The following TTC28 variants were observed in gnomAD, a reference collection of about 807,000 sequenced individuals.
TTC28 encodes the protein tetratricopeptide repeat domain 28.
In TTC28, 61 loss-of-function variants were observed where a neutral mutation model predicts 198.0. The ratio of observed to expected loss-of-function variants is 0.31; its 90% CI spans 0.25 to 0.38. The LOEUF is 0.38. Among genes scored for constraint, TTC28 ranks in the 10% least tolerant of loss-of-function variants. The probability of loss-of-function intolerance (pLI) is 1.00; values close to 1 mark genes in which losing one functional copy is unlikely to be tolerated. For missense variants in TTC28, 2,678 were observed against 3,164.0 expected (o/e 0.85, Z 3.69); for synonymous variants, 1,171 against 1,297.8 (o/e 0.90, Z 2.10).
At chr22:28,343,639 T>G (rs1020111563) in intron 2 of TTC28, among the ~76,000 whole-genome samples, 2 of 152,182 alleles carry the variant, frequency 1.3e-5, no homozygotes, top group East Asian at 3.8e-4. Flanking sequence ...TAAGTGAGAT[T>G]TGTAGAATGT....
intron 2 of TTC28, among the ~76,000 whole-genome samples, chr22:28,426,494 T>C (rs2047352587): frequency 6.6e-6 from 1 of 152,206 alleles, no homozygotes; most frequent in South Asian, 2.1e-4. Context: ...TAGACCATTC[T>C]AAATTCCTAA....
chr22:28,283,337 C>A (rs562405995), intron 5 of TTC28, among the ~76,000 whole-genome samples: 2 of 152,030 alleles, frequency 1.3e-5, no homozygotes, highest in East Asian at 3.9e-4. Flanking sequence ...CACACACACA[C>A]ACACACACAC....
In TTC28 at chr22:28,590,330, C is replaced by T. The variant is rs555318769; in HGVS notation, c.381+39222G>A. Among the ~76,000 whole-genome samples the T allele has an allele frequency of 3.9e-5, 6 of 151,938 alleles. No homozygotes were observed. The South Asian group carries it at 1.3e-3, about 32-fold the overall frequency. On this transcript the variant is annotated intron_variant, in intron 2 of 22. Transcript: ENST00000397906. ...ATTTTTAGTAGAGACGGGGTTTCAC[C>T]ATGTTAGCCAGGATGGTCTCAATCT...
intron 5 of TTC28, among the ~76,000 whole-genome samples, chr22:28,166,516 A>T (rs1476466760): frequency 6.6e-6 from 1 of 152,226 alleles, no homozygotes; most frequent in Non-Finnish European, 1.5e-5. Flanking sequence ...GGATTAAGAA[A>T]TTCACTCAAA....
At chr22:28,396,364 A>G (rs1332203071) in intron 2 of TTC28, among the ~76,000 whole-genome samples, 2 of 152,216 alleles carry the variant, frequency 1.3e-5, no homozygotes, top group South Asian at 2.1e-4. Context: ...CAATCTGTCC[A>G]CTGGCTGTCT....
At chr22:28,623,385 T>C (rs1569066570) in intron 2 of TTC28, among the ~76,000 whole-genome samples, 1 of 152,194 alleles carries the variant, frequency 6.6e-6, no homozygotes, top group Non-Finnish European at 1.5e-5. Flanking sequence ...CTTCAATATA[T>C]ATGAAGCAAA....
At chr22:28,396,247 T>C (rs771343261) in intron 2 of TTC28, among the ~76,000 whole-genome samples, 4 of 152,140 alleles carry the variant, frequency 2.6e-5, no homozygotes, top group Non-Finnish European at 4.4e-5. Flanking sequence ...GCAGAAGAGA[T>C]TGCACTAGTT....
intron 15 of TTC28, chr22:28,001,134 GACA>G (rs1937668887): frequency 2.1e-6 from 1 of 487,370 alleles, no homozygotes; most frequent in Non-Finnish European, 3.7e-6. Flanking sequence ...AAGAAACTTA[GACA>G]TGACACAAAC....
intron 13 of TTC28, among the ~76,000 whole-genome samples, chr22:28,025,535 A>G (rs1938796586): frequency 1.3e-5 from 2 of 152,328 alleles, no homozygotes; most frequent in South Asian, 2.1e-4. Flanking sequence ...GCACTGCTGC[A>G]GCACGCCTCC....
intron 2 of TTC28, among the ~76,000 whole-genome samples, chr22:28,317,382 T>G (rs574280340): frequency 6.6e-6 from 1 of 152,338 alleles, no homozygotes; most frequent in East Asian, 1.9e-4. Context: ...GTTTATATTT[T>G]AAGAAGAACG....
At chr22:28,369,753 A>G (rs2046302683) in intron 2 of TTC28, among the ~76,000 whole-genome samples, 1 of 152,156 alleles carries the variant, frequency 6.6e-6, no homozygotes, top group African/African-American at 2.4e-5. Flanking sequence ...TTTATATAGA[A>G]CTCCCTTTTT....
Position 27,982,958 on chromosome 22 carries a change from C to T in TTC28, c.6709G>A (p.Ala2237Thr). 6.4e-7 allele frequency: 1 copy of T among 1,551,632 alleles called. No individual in the cohort carries two copies. Among genetic ancestry groups the T allele is most frequent in the Non-Finnish European group, 8.7e-7 (1 of 1,146,980 alleles). Residue 2237 changes from alanine (A) to threonine (T), a missense_variant, in exon 23 of 23, where the codon GCC (alanine) becomes ACC (threonine). Around this residue, in one of 8 missense-constraint regions of TTC28, gnomAD observed 622 missense variants for 656.0 expected, o/e 0.95. Transcript: ENST00000397906. The surrounding 1 kb of genome is among the most constrained non-coding windows in gnomAD (Gnocchi z 5.2). ...SPVTVKPKPP[A>T]RSSSLPKVSS... ...ACCTTGGGCAGGGAGGAGCTCCTGGCTGGGGGCTTTGGTTTAACAGTGACT... is the reference window on the plus strand; with the variant it reads ...ACCTTGGGCAGGGAGGAGCTCCTGGTTGGGGGCTTTGGTTTAACAGTGACT...
At chr22:28,438,429 T>C (rs970090193) in intron 2 of TTC28, among the ~76,000 whole-genome samples, 3 of 152,222 alleles carry the variant, frequency 2.0e-5, no homozygotes, top group South Asian at 2.1e-4. Flanking sequence ...GAGAAATCAT[T>C]TGAGAGCCAG....
At chr22:28,408,891 G>C (rs2047039338) in intron 2 of TTC28, among the ~76,000 whole-genome samples, 1 of 152,220 alleles carries the variant, frequency 6.6e-6, no homozygotes, top group Non-Finnish European at 1.5e-5. Flanking sequence ...GTTACTCAGA[G>C]TCACTTAAGA....
At chr22:28,563,932 T>C (rs1481643196) in intron 2 of TTC28, among the ~76,000 whole-genome samples, 1 of 152,150 alleles carries the variant, frequency 6.6e-6, no homozygotes, top group African/African-American at 2.4e-5. Flanking sequence ...TGAATTGTAA[T>C]ATACACACAC....
chr22:28,373,858 C>T (rs1392289496), intron 2 of TTC28, among the ~76,000 whole-genome samples: 1 of 152,058 alleles, frequency 6.6e-6, no homozygotes, highest in Non-Finnish European at 1.5e-5. Context: ...CTTCTGAAAG[C>T]AAACATGGAA....
chr22:28,400,865 T>G (rs910796059), intron 2 of TTC28, among the ~76,000 whole-genome samples: 6 of 152,178 alleles, frequency 3.9e-5, no homozygotes, highest in Non-Finnish European at 7.3e-5. Flanking sequence ...TCTAAACAAG[T>G]ACACATAAGA....
chr22:28,228,271 T>G (rs1928502963), intron 5 of TTC28, among the ~76,000 whole-genome samples: 1 of 152,106 alleles, frequency 6.6e-6, no homozygotes. Flanking sequence ...GAAAATGAAA[T>G]TGTTCTGGAG....
intron 2 of TTC28, among the ~76,000 whole-genome samples, chr22:28,415,415 T>C (rs2047154142): frequency 6.6e-6 from 1 of 152,120 alleles, no homozygotes; most frequent in African/African-American, 2.4e-5. Context: ...GTGAAACATA[T>C]TTTCAATGTG....
Sources: gnomAD v4.1 joint callset for allele counts (sites outside exome capture counted in the v4.1 genomes callset) on GRCh38, gnomAD v4.1.1 for gene constraint, gnomAD v4.1.1 regional missense constraint, Gnocchi (gnomAD v3.1) non-coding constraint, MANE v1.5 for transcripts, NCBI Gene and HGNC (gene_info 2026-07-23, HGNC 2026-07-21) for gene names.